Variants in COLEC10 observed in about 807,000 individuals in gnomAD.
The protein encoded by COLEC10 is collectin-10.
COLEC10 carries 22 observed loss-of-function variants against 28.4 expected under a neutral mutation model. The ratio of observed to expected loss-of-function variants is 0.78; its 90% confidence interval spans 0.55 to 1.11. The LOEUF (loss-of-function observed/expected upper bound fraction) is 1.11, where lower values mean the gene tolerates loss of function less well. COLEC10 is among the 50% of genes least tolerant of loss of function. The pLI is 0.00. For synonymous variants in COLEC10, 125 were observed against 116.1 expected (o/e 1.08, Z -0.49); for missense variants, 361 against 344.1 (o/e 1.05, Z -0.39).
intron 1 of COLEC10, among the ~76,000 whole-genome samples, chr8:119,008,992 A>C (rs963282597): frequency 3.3e-5 from 5 of 150,464 alleles, no homozygotes; most frequent in Non-Finnish European, 4.4e-5. Context: ...ACCAACTTAG[A>C]ATTCTTAAAC....
the COLEC10 span, among the ~76,000 whole-genome samples, chr8:118,977,494 G>A: frequency 6.9e-4 from 99 of 143,916 alleles, 1 homozygote; most frequent in South Asian, 1.6e-3. Flanking sequence ...GTAAACTATC[G>A]CAAGAACAAA....
At chr8:119,019,195 A>G (rs1478970444) in intron 2 of COLEC10, among the ~76,000 whole-genome samples, 3 of 152,206 alleles carry the variant, frequency 2.0e-5, no homozygotes, top group African/African-American at 4.8e-5. Flanking sequence ...GACTCAAAAC[A>G]CATCTCCAGT....
At chr8:118,987,193 T>C in the COLEC10 span, among the ~76,000 whole-genome samples, 1 of 152,020 alleles carries the variant, frequency 6.6e-6, no homozygotes, top group Admixed American at 6.6e-5. Flanking sequence ...AAGTGGAAAT[T>C]TAGAACTTCA....
chr8:119,008,111 A>G lies in COLEC10; in HGVS notation n.123-1330A>G, dbSNP rs923592654. ...AGAGAGTTTGGGGAGCTAACTTGGA[A>G]ATATAGATCCACTGGAAAATTCCAG... On this transcript the variant is annotated intron_variant and non_coding_transcript_variant, in intron 1 of 6. Coordinates refer to the COLEC10 transcript ENST00000521788. 1.5e-4 allele frequency among the ~76,000 whole-genome samples: 22 copies of G among 151,044 alleles called. 3 individuals are homozygous for G. The highest frequency in any genetic ancestry group is 4.9e-4 in the African/African-American group (20 of 40,422).
At chr8:118,952,702 A>C in the COLEC10 span, among the ~76,000 whole-genome samples, 198 of 152,284 alleles carry the variant, frequency 1.3e-3, no homozygotes, top group African/African-American at 4.5e-3. Flanking sequence ...CACCATCATC[A>C]AAGGGCTATT....
chr8:119,005,627 C>T (rs1439189460), intron 1 of COLEC10, among the ~76,000 whole-genome samples: 1 of 152,078 alleles, frequency 6.6e-6, no homozygotes, highest in African/African-American at 2.4e-5. Flanking sequence ...TAATCCTTGA[C>T]TAAGGCCCAA....
chr8:118,986,732 T>C, the COLEC10 span, among the ~76,000 whole-genome samples: 2 of 152,162 alleles, frequency 1.3e-5, no homozygotes, highest in African/African-American at 4.8e-5. Flanking sequence ...TACTGATGCA[T>C]TCTACATTGT....
rs137965052 is a variant in COLEC10, at chr8:119,080,675, C to A, written c.149-9005C>A. Among the ~76,000 whole-genome samples, 255 of 152,002 alleles carry A rather than the reference C, an allele frequency of 1.7e-3. 1 individual carries two copies. The highest frequency in any genetic ancestry group is 6.0e-3 in the African/African-American group (249 of 41,474). On this transcript the variant is annotated intron_variant, in intron 1 of 5. Coordinates refer to ENST00000332843, the MANE Select transcript of COLEC10 (RefSeq NM_006438.5). ...GTTCTGTGCTTGTTGTAACATGTAA[C>A]CTATGTAAGGATGTATAAAATGAAG...
chr8:118,979,451 A>G, the COLEC10 span, among the ~76,000 whole-genome samples: 2 of 152,102 alleles, frequency 1.3e-5, no homozygotes, highest in Non-Finnish European at 2.9e-5. Context: ...AAAATACAGT[A>G]AGGTAAACAA....
the COLEC10 span, among the ~76,000 whole-genome samples, chr8:118,974,745 T>C: frequency 1.3e-5 from 2 of 152,086 alleles, no homozygotes; most frequent in Non-Finnish European, 2.9e-5. Flanking sequence ...TATGATGTTT[T>C]ATCGAAGAAG....
upstream of COLEC10, among the ~76,000 whole-genome samples, chr8:119,066,382 C>T (rs1264918873): frequency 1.3e-5 from 2 of 152,204 alleles, no homozygotes; most frequent in Non-Finnish European, 2.9e-5. Flanking sequence ...ATCTGATCTA[C>T]ATACTCTACA....
At chr8:119,069,559 T>C (rs1321250718) in intron 1 of COLEC10, among the ~76,000 whole-genome samples, 1 of 129,670 alleles carries the variant, frequency 7.7e-6, no homozygotes, top group East Asian at 2.4e-4. Flanking sequence ...TGGGCCATGA[T>C]CATGCCACTT....
intron 2 of COLEC10, among the ~76,000 whole-genome samples, chr8:119,034,389 G>A (rs993487656): frequency 6.6e-5 from 10 of 150,704 alleles, no homozygotes; most frequent in African/African-American, 1.7e-4. Context: ...CACATTCTGC[G>A]CATGTATCCC....
intron 1 of COLEC10, among the ~76,000 whole-genome samples, chr8:119,080,602 A>G (rs1039393720): frequency 1.3e-5 from 2 of 152,192 alleles, no homozygotes; most frequent in African/African-American, 4.8e-5. Context: ...ATAAAGAGCC[A>G]TAGTTCCATT....
the COLEC10 span, among the ~76,000 whole-genome samples, chr8:118,952,952 G>C: frequency 1.3e-5 from 2 of 152,218 alleles, no homozygotes; most frequent in Admixed American, 1.3e-4. Flanking sequence ...CTGCAGAGCT[G>C]CTTCCCCATC....
chr8:118,989,726 A>ATGTGTGTGTGTGTGTGTGTG, the COLEC10 span, among the ~76,000 whole-genome samples: 1,315 of 151,294 alleles, frequency 8.7e-3, 18 homozygotes, highest in African/African-American at 0.03. Flanking sequence ...AAAAATTTGC[A>ATGTGTGTGTGTGTGTGTGTG]TGTGTGTGTG....
At chr8:119,019,436 C>T (rs1563718644) in intron 2 of COLEC10, among the ~76,000 whole-genome samples, 3 of 152,182 alleles carry the variant, frequency 2.0e-5, no homozygotes, top group Non-Finnish European at 4.4e-5. Flanking sequence ...AGAAATCCGT[C>T]TTTGGAGCCT....
At chr8:119,054,990 G>T (rs916201306) in intron 2 of COLEC10, among the ~76,000 whole-genome samples, 16 of 151,880 alleles carry the variant, frequency 1.1e-4, no homozygotes, top group Middle Eastern at 3.2e-3. Flanking sequence ...TGATGTAAGC[G>T]ACCCAAATCT....
chr8:118,982,930 C>G, the COLEC10 span: 1 of 152,128 alleles, frequency 6.6e-6, no homozygotes, highest in Non-Finnish European at 1.5e-5. Flanking sequence ...TCTCAGTGCA[C>G]CAACCACACC....
Sources: gnomAD v4.1 joint callset for allele counts (sites outside exome capture counted in the v4.1 genomes callset) on GRCh38, gnomAD v4.1.1 for gene constraint, MANE v1.5 for transcripts, NCBI Gene and HGNC (gene_info 2026-07-23, HGNC 2026-07-21) for gene names.